The following OR1I1 variants were observed in gnomAD, a reference collection of about 807,000 sequenced individuals.
OR1I1 encodes olfactory receptor 1I1.
For synonymous variants in OR1I1, 171 were observed against 181.4 expected (o/e 0.94, Z 0.46); for missense variants, 451 against 443.6 (o/e 1.02, Z -0.15).
intron 1 of OR1I1, 72 bp from the exon 2 acceptor site, chr19:15,086,981 G>A: frequency 6.6e-7 from 1 of 1,506,754 alleles, no homozygotes; most frequent in Non-Finnish European, 8.8e-7. Flanking sequence ...GGTTTCCGTG[G>A]GAAGCTGGGA....
intron 1 of OR1I1, among the ~76,000 whole-genome samples, chr19:15,083,748 G>C (rs1469315312): frequency 3.9e-5 from 6 of 152,120 alleles, no homozygotes; most frequent in Admixed American, 3.9e-4. Flanking sequence ...GGGAGGCCAA[G>C]GTGGGCGGAT....
Position 15,088,685 on chromosome 19 carries a change from TAGATA to T in OR1I1, c.*553_*557del, listed in dbSNP as rs914414652. The T allele has an allele frequency of 1.8e-4, 13 of 71,034 alleles. No individual in the cohort carries two copies. The highest frequency in any genetic ancestry group is 4.5e-4 in the African/African-American group (13 of 28,852). 4.4% of individuals were successfully genotyped at this position (71,034 alleles called of 1,614,324 possible). ...ATAGGTAGATAGATAGATAGATAGA[TAGATA>T]GATAGATAGATAGATAGATAGACAG... On this transcript the variant is annotated 3_prime_UTR_variant, in exon 2 of 2. Coordinates refer to ENST00000641398, the MANE Select transcript of OR1I1 (RefSeq NM_001004713.2).
Position 15,087,146 on chromosome 19 carries a change from C to G in OR1I1, c.81C>G (p.Leu27=). ...AAAAGCCAGAGCATCAGACCCTCCT[C>G]TTCACAATGTTCCTCTCCACATACC... ...LSEKPEHQTL[L]FTMFLSTYLV... The change falls in exon 2 of 2, where the codon CTC becomes CTG. Residue 27 remains leucine (L), a synonymous_variant. Coordinates refer to ENST00000641398, the MANE Select transcript of OR1I1 (RefSeq NM_001004713.2). The G allele has an allele frequency of 6.2e-7, 1 of 1,614,158 alleles. No homozygotes were observed. The highest frequency in any genetic ancestry group is 8.5e-7 in the Non-Finnish European group (1 of 1,180,034).
rs572919547 is a variant in OR1I1 at position 15,087,573 on chromosome 19, G to A, written c.508G>A (p.Ala170Thr). The A allele has an allele frequency of 2.6e-5, 42 of 1,613,860 alleles. No individual in the cohort carries two copies. The highest frequency in any genetic ancestry group is 1.7e-4 in the Admixed American group (10 of 60,014). Residue 170 changes from alanine to threonine, a missense_variant, in exon 2 of 2, where the codon GCC becomes ACC. Ala to Thr is a moderately conservative substitution (Grantham distance 58). Transcript: ENST00000641398. ...CCTCATGGCTCAACTGACCTTCTGCGCCGGCTCTGAAATCTCCCACTTCTT... is the reference window on the plus strand; with the variant it reads ...CCTCATGGCTCAACTGACCTTCTGCACCGGCTCTGAAATCTCCCACTTCTT... ...TCLMAQLTFC[A>T]GSEISHFFCD...
rs572841592 is a variant in OR1I1 at position 15,090,827 on chromosome 19, A to C, written c.*2694A>C. The C allele has an allele frequency of 6.6e-6, 1 of 152,228 alleles. No homozygotes were observed. The highest frequency in any genetic ancestry group is 2.4e-5 in the African/African-American group (1 of 41,412). 9.4% of individuals were successfully genotyped at this position (152,228 alleles called of 1,614,324 possible). On this transcript the variant is annotated 3_prime_UTR_variant, in exon 2 of 2. Coordinates refer to ENST00000641398, the MANE Select transcript of OR1I1 (RefSeq NM_001004713.2). ...CTGGTCTCAAACTCCCGGCCTCAAG[A>C]GATCTGCCCTCCTCGGCTTCACAAA...
rs1240105492 is a variant in OR1I1 at position 15,092,042 on chromosome 19, C to G, written c.*3909C>G. ...CTGAAAACTACAGTTAGAGAAGTGGCCACTAGGTGGCAATAATGTCATTTC... is the reference window on the plus strand; with the variant it reads ...CTGAAAACTACAGTTAGAGAAGTGGGCACTAGGTGGCAATAATGTCATTTC... On this transcript the variant is annotated 3_prime_UTR_variant, in exon 2 of 2. Coordinates refer to ENST00000641398, the MANE Select transcript of OR1I1 (RefSeq NM_001004713.2). 6.9e-6 allele frequency: 1 copy of G among 145,178 alleles called. No individual in the cohort carries two copies. The highest frequency in any genetic ancestry group is 1.5e-5 in the Non-Finnish European group (1 of 67,422). The allele number at this position is 145,178 out of a possible 1,614,324, so 9.0% of individuals were successfully genotyped here. A position where few individuals can be genotyped will look rare whatever the true frequency, so the allele number is the denominator to read the frequency against.
At position 15,087,935 on chromosome 19, in the gene OR1I1, C is replaced by T. The variant is rs1050853142; in HGVS notation, c.870C>T (p.Tyr290=). Residue 290 remains tyrosine, a synonymous_variant, in exon 2 of 2, where the codon TAC becomes TAT. Transcript: ENST00000641398. ...TCCCCATGCTCAACCCCTTTATCTA[C>T]AGCATACGGAACAAGGATATGAAGG... The part of the protein sequence containing the change: ...VFIPMLNPFI[Y]SIRNKDMKAA... 2.5e-6 allele frequency: 4 copies of T among 1,613,934 alleles called. No individual in the cohort carries two copies. In the African/African-American group the frequency reaches 5.3e-5, roughly 22 times the overall value.
At chr19:15,082,797 T>C (rs2046214678) in intron 1 of OR1I1, among the ~76,000 whole-genome samples, 1 of 151,490 alleles carries the variant, frequency 6.6e-6, no homozygotes, top group African/African-American at 2.4e-5. Context: ...GGGGGGATTG[T>C]TTTGTTTGTT....
Position 15,088,416 on chromosome 19 carries a change from C to T in OR1I1, c.*283C>T, listed in dbSNP as rs1423436979. ...CTGTGATCCCAGCATTTTGGGAGGC[C>T]AAGGTGGAAGGATCACTTGAGGCCA... On this transcript the variant is annotated 3_prime_UTR_variant, in exon 2 of 2. Transcript: ENST00000641398. 2 of 355,792 alleles carry T rather than the reference C, an allele frequency of 5.6e-6. No homozygotes were observed. The highest frequency in any genetic ancestry group is 4.2e-5 in the African/African-American group (2 of 47,864). 22.0% of individuals were successfully genotyped at this position (355,792 alleles called of 1,614,324 possible).
At position 15,085,133 on chromosome 19, in the gene OR1I1, TATATATATA is replaced by T. The variant is rs1568321787; in HGVS notation, c.-13-1919_-13-1911del. Among the ~76,000 whole-genome samples, 29 of 11,150 alleles carry T rather than the reference TATATATATA, an allele frequency of 2.6e-3. 3 individuals are homozygous for T. In the East Asian group the frequency reaches 0.026, roughly 10 times the overall value. 7.3% of individuals were successfully genotyped at this position (11,150 alleles called of 152,430 possible). The stretch of plus-strand genomic sequence containing the variant: ...GTATGTTCAATGCATTTTTGACTTA[TATATATATA>T]TATATATATATATATATATATATAT... On this transcript the variant is annotated intron_variant, in intron 1 of 1. Transcript: ENST00000641398.
chr19:15,088,339 C>T lies in OR1I1; in HGVS notation c.*206C>T, dbSNP rs903996540. 2.3e-5 allele frequency: 13 copies of T among 563,882 alleles called. No individual in the cohort carries two copies. Among genetic ancestry groups the T allele is most frequent in the Non-Finnish European group, 3.4e-5 (11 of 327,842 alleles). 34.9% of individuals were successfully genotyped at this position (563,882 alleles called of 1,614,324 possible). Reference sequence around the variant, plus strand: ...AATAAGAGTAGTTGAAAACAAGAGACGTAGCTACACTCATTTTAGTATTGA... The same window carrying T: ...AATAAGAGTAGTTGAAAACAAGAGATGTAGCTACACTCATTTTAGTATTGA... On this transcript the variant is annotated 3_prime_UTR_variant, in exon 2 of 2. Coordinates refer to ENST00000641398, the MANE Select transcript of OR1I1 (RefSeq NM_001004713.2).
At position 15,087,778 on chromosome 19, in the gene OR1I1, T is replaced by C; in HGVS notation, c.713T>C (p.Phe238Ser). The C allele has an allele frequency of 6.2e-7, 1 of 1,614,176 alleles. No homozygotes were observed. The highest frequency in any genetic ancestry group is 8.5e-7 in the Non-Finnish European group (1 of 1,180,018). The change falls in exon 2 of 2, where the codon TTC (phenylalanine) becomes TCC (serine). Residue 238 changes from phenylalanine (F) to serine (S), a missense_variant. By Grantham distance (155) the Phe-to-Ser change is radical. Transcript: ENST00000641398. ...IPSTRGKWKAFSTCGLHLTVV... is the reference protein window; with the variant it reads ...IPSTRGKWKASSTCGLHLTVV... ...TCTACTCGGGGCAAGTGGAAAGCCT[T>C]CTCCACCTGTGGCTTACACCTCACT...
chr19:15,085,097 T>G (rs1348429778), intron 1 of OR1I1, among the ~76,000 whole-genome samples: 1 of 145,068 alleles, frequency 6.9e-6, no homozygotes, highest in Non-Finnish European at 1.5e-5. Context: ...CTGTGATGTT[T>G]GGTAGGTTAG....
Position 15,087,607 on chromosome 19 carries a change from T to A in OR1I1, c.542T>A (p.Leu181His). 6.2e-7 allele frequency: 1 copy of A among 1,614,056 alleles called. No homozygotes were observed. The highest frequency in any genetic ancestry group is 8.5e-7 in the Non-Finnish European group (1 of 1,180,042). The change falls in exon 2 of 2, where the codon CTC (leucine) becomes CAC (histidine). Residue 181 changes from leucine (L) to histidine (H), a missense_variant. By Grantham distance (99) the Leu-to-His change is moderately conservative. Coordinates refer to ENST00000641398, the MANE Select transcript of OR1I1 (RefSeq NM_001004713.2). ...GSEISHFFCD[L>H]MPLLKLSGSD... ...GAAATCTCCCACTTCTTCTGTGACCTCATGCCCCTGCTGAAGCTCTCCGGC... is the reference window on the plus strand; with the variant it reads ...GAAATCTCCCACTTCTTCTGTGACCACATGCCCCTGCTGAAGCTCTCCGGC...
chr19:15,084,357 A>C (rs1188630482), intron 1 of OR1I1, among the ~76,000 whole-genome samples: 1 of 152,214 alleles, frequency 6.6e-6, no homozygotes. Flanking sequence ...CAGGAGTTCA[A>C]GACCAGTCTG....
At position 15,087,558 on chromosome 19, in the gene OR1I1, C is replaced by G. The variant is rs765440759; in HGVS notation, c.493C>G (p.Gln165Glu). 6 of 1,613,960 alleles carry G rather than the reference C, an allele frequency of 3.7e-6. No individual in the cohort carries two copies. The East Asian group carries it at 1.3e-4, about 36-fold the overall frequency. Residue 165 changes from glutamine (Q) to glutamate (E), a missense_variant, in exon 2 of 2, where the codon CAA becomes GAA. Physicochemically the swap from Gln to Glu is conservative, Grantham distance 29. Transcript: ENST00000641398. Reference sequence around the variant, plus strand: ...TCTCATACACACCTGCCTCATGGCTCAACTGACCTTCTGCGCCGGCTCTGA... The same window carrying G: ...TCTCATACACACCTGCCTCATGGCTGAACTGACCTTCTGCGCCGGCTCTGA... ...QSLIHTCLMA[Q>E]LTFCAGSEIS...
rs147792989 is a variant in OR1I1 at position 15,087,629 on chromosome 19, C to T, written c.564C>T (p.Ser188=). The T allele has an allele frequency of 2.8e-4, 450 of 1,614,128 alleles. 1 individual carries two copies. The African/African-American group carries it at 5.0e-3, about 18-fold the overall frequency. Residue 188 remains serine, a synonymous_variant, in exon 2 of 2, where the codon TCC becomes TCT. Coordinates refer to ENST00000641398, the MANE Select transcript of OR1I1 (RefSeq NM_001004713.2). The part of the protein sequence containing the change: ...FCDLMPLLKL[S]GSDTHTNELV... ...ACCTCATGCCCCTGCTGAAGCTCTC[C>T]GGCTCAGACACGCACACCAACGAGC...
intron 1 of OR1I1, among the ~76,000 whole-genome samples, chr19:15,083,060 G>A (rs113776546): frequency 0.039 from 5,953 of 151,962 alleles, 406 homozygotes; most frequent in African/African-American, 0.13. Context: ...TCCTACCTTG[G>A]CCCCCCAAGC....
chr19:15,083,520 T>A (rs1373045722), intron 1 of OR1I1, among the ~76,000 whole-genome samples: 1 of 152,206 alleles, frequency 6.6e-6, no homozygotes, highest in Non-Finnish European at 1.5e-5. Context: ...AGGAAGGGAA[T>A]CGCAGTATTC....
Sources: gnomAD v4.1 joint callset for allele counts (sites outside exome capture counted in the v4.1 genomes callset) on GRCh38, gnomAD v4.1.1 for gene constraint, MANE v1.5 for transcripts, NCBI Gene and HGNC (gene_info 2026-07-23, HGNC 2026-07-21) for gene names.